The following TSNAXIP1 variants were observed in gnomAD, a reference collection of about 807,000 sequenced individuals.
The protein encoded by TSNAXIP1 is translin associated factor X interacting protein 1.
TSNAXIP1 carries 89 observed loss-of-function variants against 84.8 expected under a neutral mutation model. That is an observed-to-expected ratio of 1.05 (90% CI 0.88 to 1.25). The LOEUF (loss-of-function observed/expected upper bound fraction) is 1.25, where lower values mean the gene tolerates loss of function less well. Ranked by LOEUF, TSNAXIP1 falls within the 50% of genes most tolerant of loss-of-function variation. TSNAXIP1 has a pLI of 0.00. For synonymous variants in TSNAXIP1, 347 were observed against 335.2 expected (o/e 1.04, Z -0.39); for missense variants, 874 against 887.6 (o/e 0.98, Z 0.20).
rs761548374 is a variant in TSNAXIP1 at position 67,826,864 on chromosome 16, C to T, written c.1554+20C>T. On this transcript the variant is annotated intron_variant, in intron 12 of 15. Transcript: ENST00000561639. ...GGAAAGGTGAGCTGGGGCCTATTCC[C>T]CTTGGGGAGACTGAGAGGGGTCTTT... 1 of 1,612,208 alleles carries T rather than the reference C, an allele frequency of 6.2e-7. No homozygotes were observed. Among genetic ancestry groups the T allele is most frequent in the Non-Finnish European group, 8.5e-7 (1 of 1,179,230 alleles).
At chr16:67,826,358 G>T in intron 10 of TSNAXIP1, 76 bp downstream of exon 10, 1 of 1,604,260 alleles carries the variant, frequency 6.2e-7, no homozygotes, top group Non-Finnish European at 8.5e-7. Flanking sequence ...AAGCTTTTGG[G>T]GAACCAACTG....
At chr16:67,824,297 G>A (rs951404345) in intron 5 of TSNAXIP1, among the ~76,000 whole-genome samples, 1 of 152,144 alleles carries the variant, frequency 6.6e-6, no homozygotes, top group African/African-American at 2.4e-5. Context: ...CTGGGAGTCA[G>A]CAGGCTCCCC....
chr16:67,807,568 G>A, intron 1 of TSNAXIP1: 3 of 399,634 alleles, frequency 7.5e-6, no homozygotes, highest in East Asian at 7.6e-5. Context: ...GGGCTCAAGC[G>A]ATCCTTCTAC....
intron 2 of TSNAXIP1, among the ~76,000 whole-genome samples, chr16:67,817,445 CA>C: frequency 6.7e-6 from 1 of 148,350 alleles, no homozygotes; most frequent in Non-Finnish European, 1.5e-5. Flanking sequence ...CGCGCCCGGC[CA>C]TTTTTTGCGT....
intron 2 of TSNAXIP1, 145 bp downstream of exon 2, chr16:67,814,546 T>C (rs764865718): frequency 6.8e-5 from 49 of 720,916 alleles, no homozygotes; most frequent in Non-Finnish European, 1.0e-4. Context: ...AGTTAGAGAG[T>C]GTGGCTCAGA....
chr16:67,820,676 G>A (rs571600062), intron 2 of TSNAXIP1, among the ~76,000 whole-genome samples, 163 bp from the exon 3 acceptor site: 113 of 152,148 alleles, frequency 7.4e-4, no homozygotes, highest in Non-Finnish European at 1.2e-3. Context: ...CCTGGGAGGC[G>A]AAGGTTGCAG....
intron 2 of TSNAXIP1, among the ~76,000 whole-genome samples, chr16:67,815,101 T>C (rs2056430252): frequency 6.6e-6 from 1 of 151,738 alleles, no homozygotes; most frequent in South Asian, 2.1e-4. Context: ...GCGGATCACC[T>C]GAAGTAAGGA....
At chr16:67,808,108 C>T (rs540780765) in intron 1 of TSNAXIP1, among the ~76,000 whole-genome samples, 2 of 152,028 alleles carry the variant, frequency 1.3e-5, no homozygotes, top group Admixed American at 1.3e-4. Context: ...AACATTTAGG[C>T]AGAATATGTG....
intron 1 of TSNAXIP1, among the ~76,000 whole-genome samples, chr16:67,812,840 G>A (rs2056214095): frequency 6.6e-6 from 1 of 152,054 alleles, no homozygotes; most frequent in Non-Finnish European, 1.5e-5. Context: ...CGAACTCCTG[G>A]GCTCAAGCGA....
chr16:67,815,092 C>T lies in TSNAXIP1; in HGVS notation c.147+691C>T, dbSNP rs142545109. ...CAGTACTCTGGGAGGCCGAGGCAGGCGGATCACCTGAAGTAAGGAGTTTGA... is the reference window on the plus strand; with the variant it reads ...CAGTACTCTGGGAGGCCGAGGCAGGTGGATCACCTGAAGTAAGGAGTTTGA... On this transcript the variant is annotated intron_variant, in intron 2 of 15. Coordinates refer to ENST00000561639, the MANE Select transcript of TSNAXIP1 (RefSeq NM_001288990.3). Among the ~76,000 whole-genome samples the T allele has an allele frequency of 7.5e-3, 1,138 of 151,684 alleles. 7 individuals carry two copies. The highest frequency in any genetic ancestry group is 0.021 in the African/African-American group (866 of 41,408).
At chr16:67,816,474 G>A (rs1026621343) in intron 2 of TSNAXIP1, among the ~76,000 whole-genome samples, 2 of 152,136 alleles carry the variant, frequency 1.3e-5, no homozygotes, top group African/African-American at 4.8e-5. Context: ...GGAAACACAT[G>A]GGCCACACAC....
chr16:67,820,800 C>T (rs1363830237), intron 2 of TSNAXIP1, 39 bp from the exon 3 acceptor site: 7 of 1,400,144 alleles, frequency 5.0e-6, no homozygotes, highest in Non-Finnish European at 5.8e-6. Context: ...GGAAGGGGAG[C>T]AATGTTGCCA....
intron 2 of TSNAXIP1, 97 bp from the exon 3 acceptor site, chr16:67,820,742 A>C (rs1378273532): frequency 6.0e-6 from 3 of 501,912 alleles, no homozygotes; most frequent in Non-Finnish European, 9.3e-6. Flanking sequence ...AGACTGTCTC[A>C]AAAAAAAAAA....
rs775980621 is a variant in TSNAXIP1 at position 67,825,681 on chromosome 16, GACCCTGTGAAGTTA to G, written c.836_849del (p.Val279GlyfsTer3). 3 of 1,612,386 alleles carry G rather than the reference GACCCTGTGAAGTTA, an allele frequency of 1.9e-6. No homozygotes were observed. Among genetic ancestry groups the G allele is most frequent in the Non-Finnish European group, 2.5e-6 (3 of 1,178,758 alleles). ...TCCCCTGGCAGGCATCTGGGGGGAG[GACCCTGTGAAGTTA>G]ACCCTGGCTCTTAAGATGACCCGGC... On this transcript the variant is annotated frameshift_variant, in exon 8 of 16. Transcript: ENST00000561639. LOFTEE classifies it high-confidence loss of function.
At chr16:67,816,883 C>A (rs563103424) in intron 2 of TSNAXIP1, among the ~76,000 whole-genome samples, 6 of 151,996 alleles carry the variant, frequency 3.9e-5, no homozygotes, top group Admixed American at 1.3e-4. Flanking sequence ...CTCGCCTCTG[C>A]AAGCAAAGGA....
At chr16:67,827,155 G>C in intron 13 of TSNAXIP1, 83 bp downstream of exon 13, 1 of 1,605,934 alleles carries the variant, frequency 6.2e-7, no homozygotes, top group Admixed American at 1.7e-5. Context: ...GGTGGGAAGG[G>C]CCACAGCCTC....
chr16:67,825,184 C>T lies in TSNAXIP1; in HGVS notation c.726C>T (p.Leu242=). 6.2e-7 allele frequency: 1 copy of T among 1,614,176 alleles called. No individual in the cohort carries two copies. The highest frequency in any genetic ancestry group is 8.5e-7 in the Non-Finnish European group (1 of 1,180,038). The part of the protein sequence containing the change: ...KNLAEEYLHY[L]SERDACKILI... ...TGGCTGAGGAGTACCTGCACTACCT[C>T]AGTGAGCGAGATGCCTGTAAGATCC... The change falls in exon 7 of 16, where the codon CTC becomes CTT. Residue 242 remains leucine, a synonymous_variant. Coordinates refer to ENST00000561639, the MANE Select transcript of TSNAXIP1 (RefSeq NM_001288990.3).
intron 2 of TSNAXIP1, among the ~76,000 whole-genome samples, chr16:67,816,040 C>G (rs540719300): frequency 1.9e-4 from 28 of 149,358 alleles, no homozygotes; most frequent in African/African-American, 7.0e-4. Context: ...GCAATCTCGG[C>G]TCACTGCAAG....
intron 1 of TSNAXIP1, chr16:67,807,546 C>G: frequency 2.0e-6 from 1 of 501,312 alleles, no homozygotes; most frequent in Non-Finnish European, 3.2e-6. Context: ...CTCACTGCAG[C>G]CTCGACCTCC....
Sources: allele counts gnomAD v4.1 joint callset (sites outside exome capture counted in the v4.1 genomes callset), GRCh38; gene constraint gnomAD v4.1.1; transcripts MANE v1.5; gene names NCBI Gene and HGNC (gene_info 2026-07-23, HGNC 2026-07-21).